The following SLC39A10 variants were observed in gnomAD, a reference collection of about 807,000 sequenced individuals.
SLC39A10 encodes the protein solute carrier family 39 member 10.
Under a neutral mutation model 65.1 loss-of-function variants are expected in SLC39A10, and 13 were observed. That is an observed-to-expected ratio of 0.20 (90% CI 0.13 to 0.32). The LOEUF (loss-of-function observed/expected upper bound fraction) is 0.32, where lower values mean the gene tolerates loss of function less well. Among genes scored for constraint, SLC39A10 ranks in the 10% least tolerant of loss-of-function variants. SLC39A10 has a pLI of 1.00. For synonymous variants in SLC39A10, 321 were observed against 342.2 expected, an observed-to-expected ratio of 0.94 and a Z score of 0.68; for missense variants, 831 against 1,018.4, an observed-to-expected ratio of 0.82 and a Z score of 2.50.
At chr2:195,623,446 T>C (rs1688391992) in intron 2 of SLC39A10, among the ~76,000 whole-genome samples, 2 of 152,218 alleles carry the variant, frequency 1.3e-5, no homozygotes, top group African/African-American at 4.8e-5. Flanking sequence ...AATGATACAT[T>C]CTTGCACTAG....
intron 8 of SLC39A10, among the ~76,000 whole-genome samples, chr2:195,723,064 T>C (rs1036479864): frequency 6.6e-6 from 1 of 152,216 alleles, no homozygotes. Context: ...TTTTTTGTAG[T>C]TGTGTTTAGG....
chr2:195,633,712 G>A (rs1275870627), intron 2 of SLC39A10, among the ~76,000 whole-genome samples: 2 of 137,632 alleles, frequency 1.5e-5, no homozygotes, highest in East Asian at 3.5e-4. Flanking sequence ...CCTGAAGTCC[G>A]GCCATCTTTG....
At chr2:195,661,843 T>C (rs990538922) in intron 1 of SLC39A10, among the ~76,000 whole-genome samples, 1 of 152,240 alleles carries the variant, frequency 6.6e-6, no homozygotes, top group Non-Finnish European at 1.5e-5. Context: ...GTGTTTATTT[T>C]CACAATCTAA....
intron 1 of SLC39A10, among the ~76,000 whole-genome samples, chr2:195,666,516 T>A (rs1300655771): frequency 6.6e-6 from 1 of 152,158 alleles, no homozygotes; most frequent in Non-Finnish European, 1.5e-5. Context: ...TGGAGTATAG[T>A]GGTACGATCA....
intron 1 of SLC39A10, among the ~76,000 whole-genome samples, chr2:195,662,273 C>G (rs886569996): frequency 1.4e-5 from 2 of 147,140 alleles, no homozygotes; most frequent in Non-Finnish European, 3.0e-5. Context: ...TGTGGTGTTC[C>G]CTTTTTTTTT....
In SLC39A10 at chr2:195,736,977, G is replaced by A. The variant is rs1692640996; in HGVS notation, c.*1936G>A. 1 of 152,496 alleles carries A rather than the reference G, an allele frequency of 6.6e-6. No individual in the cohort carries two copies. 9.4% of individuals were successfully genotyped at this position (152,496 alleles called of 1,614,324 possible). ...GATTCTGCATTCCAGCATTAAATCT[G>A]CTTCATTTTAGAACCTTTATAAAAG... is the stretch of plus-strand genomic sequence containing the variant. On this transcript the variant is annotated 3_prime_UTR_variant, in exon 10 of 10. Transcript: ENST00000359634.
At chr2:195,655,624 A>T (rs1320918565), upstream of SLC39A10, among the ~76,000 whole-genome samples, 1 of 152,204 alleles carries the variant, frequency 6.6e-6, no homozygotes, top group African/African-American at 2.4e-5. Flanking sequence ...TTTATCAATG[A>T]ATCTGAGGAC....
chr2:195,629,165 G>A (rs192562802), intron 2 of SLC39A10, among the ~76,000 whole-genome samples: 58 of 152,116 alleles, frequency 3.8e-4, no homozygotes, highest in African/African-American at 1.3e-3. Flanking sequence ...AAGGTGAGCG[G>A]ATCACGAGGT....
At chr2:195,639,727 C>A (rs1201178034) in intron 2 of SLC39A10, among the ~76,000 whole-genome samples, 1 of 152,138 alleles carries the variant, frequency 6.6e-6, no homozygotes, top group African/African-American at 2.4e-5. Flanking sequence ...CAGGCGAGTG[C>A]CACCACACCC....
chr2:195,615,086 G>A (rs1559001880), intron 2 of SLC39A10, among the ~76,000 whole-genome samples: 1 of 152,016 alleles, frequency 6.6e-6, no homozygotes, highest in African/African-American at 2.4e-5. Context: ...AATAGAGGGG[G>A]TCTGGTTTCC....
At chr2:195,730,171 T>A (rs1692389469) in intron 9 of SLC39A10, among the ~76,000 whole-genome samples, 1 of 152,114 alleles carries the variant, frequency 6.6e-6, no homozygotes, top group Non-Finnish European at 1.5e-5. Context: ...CCCTGACTTT[T>A]CTGCCAGAAC....
At chr2:195,616,939 C>G (rs1456680441) in intron 2 of SLC39A10, among the ~76,000 whole-genome samples, 1 of 152,128 alleles carries the variant, frequency 6.6e-6, no homozygotes, top group Non-Finnish European at 1.5e-5. Context: ...TGATGTTTTC[C>G]TTCTGTAAAC....
At chr2:195,668,417 G>A (rs960468804) in intron 1 of SLC39A10, among the ~76,000 whole-genome samples, 1 of 152,196 alleles carries the variant, frequency 6.6e-6, no homozygotes, top group Non-Finnish European at 1.5e-5. Context: ...CAGGATGAGG[G>A]TTTTAGTGAT....
intron 9 of SLC39A10, among the ~76,000 whole-genome samples, chr2:195,729,355 T>C (rs996324096): frequency 6.6e-6 from 1 of 152,220 alleles, no homozygotes; most frequent in African/African-American, 2.4e-5. Flanking sequence ...CAATTGTTTC[T>C]TTTTGTTTAC....
At chr2:195,675,209 T>C (rs1472382433) in intron 1 of SLC39A10, among the ~76,000 whole-genome samples, 7 of 152,108 alleles carry the variant, frequency 4.6e-5, no homozygotes, top group African/African-American at 1.2e-4. Flanking sequence ...AAAATAAAAA[T>C]TGTATTTTAA....
chr2:195,635,394 G>A (rs1037421396), intron 2 of SLC39A10, among the ~76,000 whole-genome samples: 5 of 152,198 alleles, frequency 3.3e-5, no homozygotes, highest in Non-Finnish European at 5.9e-5. Context: ...GGAGCCCTGA[G>A]ATCCTTTCAG....
chr2:195,701,337 C>CTT (rs35540908), intron 3 of SLC39A10, among the ~76,000 whole-genome samples: 44 of 105,924 alleles, frequency 4.2e-4, no homozygotes, highest in African/African-American at 1.2e-3. Context: ...ATCTTCTTGA[C>CTT]TTTTTTTTTT....
At chr2:195,633,211 C>T (rs956306449) in intron 2 of SLC39A10, among the ~76,000 whole-genome samples, 4 of 152,240 alleles carry the variant, frequency 2.6e-5, no homozygotes, top group Non-Finnish European at 4.4e-5. Flanking sequence ...AGTGTGGGCA[C>T]TAGAACTAGT....
At position 195,630,103 on chromosome 2, in the gene SLC39A10, A is replaced by ATGTGTGTGTGTGTGTGTG. The variant is rs35865354; in HGVS notation, c.-12+23884_-12+23901dup. 1.1e-4 allele frequency among the ~76,000 whole-genome samples: 14 copies of ATGTGTGTGTGTGTGTGTG among 131,824 alleles called. 1 individual carries two copies. Among genetic ancestry groups the ATGTGTGTGTGTGTGTGTG allele is most frequent in the East Asian group, 4.3e-4 (2 of 4,644 alleles). The allele number at this position is 131,824 out of a possible 152,430, so 86.5% of individuals were successfully genotyped here. A position where few individuals can be genotyped will look rare whatever the true frequency, so the allele number is the denominator to read the frequency against. On this transcript the variant is annotated intron_variant, in intron 2 of 2. Coordinates refer to the SLC39A10 transcript ENST00000458054. ...ACTATATAGAGAAAACTCATTTTAT[A>ATGTGTGTGTGTGTGTGTG]TGTGTGTGTGTGTGTGTGTGTGTGT...
Sources: gnomAD v4.1 joint callset for allele counts (sites outside exome capture counted in the v4.1 genomes callset) on GRCh38, gnomAD v4.1.1 for gene constraint, MANE v1.5 for transcripts, NCBI Gene and HGNC (gene_info 2026-07-23, HGNC 2026-07-21) for gene names.